The following IGSF21 variants were observed in gnomAD, a reference collection of about 807,000 sequenced individuals.
IGSF21 encodes immunoglobulin superfamily member 21.
In IGSF21, 28 loss-of-function variants were observed where a neutral mutation model predicts 46.8. The ratio of observed to expected loss-of-function variants is 0.60; its 90% CI spans 0.44 to 0.82. The LOEUF is 0.82. IGSF21 is among the 40% of genes least tolerant of loss of function. IGSF21 has a pLI of 0.00. For synonymous variants in IGSF21, 284 were observed against 273.6 expected (o/e 1.04, Z -0.38); for missense variants, 624 against 665.5 (o/e 0.94, Z 0.69).
intron 1 of IGSF21, among the ~76,000 whole-genome samples, chr1:18,117,213 A>G (rs539399157): frequency 1.3e-5 from 2 of 152,312 alleles, no homozygotes; most frequent in East Asian, 3.9e-4. Flanking sequence ...AAGAAATGCC[A>G]TCGTTTGGAG....
chr1:18,221,715 T>G (rs999310305), intron 1 of IGSF21, among the ~76,000 whole-genome samples: 7 of 152,172 alleles, frequency 4.6e-5, no homozygotes, highest in Non-Finnish European at 7.3e-5. Flanking sequence ...CTGATCCACT[T>G]CTCGATACCG....
intron 2 of IGSF21, among the ~76,000 whole-genome samples, chr1:18,246,095 C>A (rs2084780559): frequency 6.6e-6 from 1 of 152,202 alleles, no homozygotes; most frequent in African/African-American, 2.4e-5. Context: ...TGCTATTAAA[C>A]AGGAGTGAAA....
At chr1:18,178,380 C>T (rs2086824332) in intron 1 of IGSF21, among the ~76,000 whole-genome samples, 1 of 152,096 alleles carries the variant, frequency 6.6e-6, no homozygotes, top group Non-Finnish European at 1.5e-5. Context: ...TGTCTTTCTT[C>T]CTGAGTTGAA....
chr1:18,256,216 AC>A (rs1014278062), intron 2 of IGSF21, among the ~76,000 whole-genome samples: 1 of 151,384 alleles, frequency 6.6e-6, no homozygotes, highest in African/African-American at 2.4e-5. Flanking sequence ...GGTAATTCCT[AC>A]CCCCCTTTAG....
chr1:18,375,218 C>G (rs1255017817), intron 6 of IGSF21, among the ~76,000 whole-genome samples: 2 of 152,232 alleles, frequency 1.3e-5, no homozygotes, highest in African/African-American at 4.8e-5. Flanking sequence ...GAAGTGGGAG[C>G]TCCATGTCAG....
chr1:18,151,599 G>T (rs193055059), intron 1 of IGSF21, among the ~76,000 whole-genome samples: 2 of 152,108 alleles, frequency 1.3e-5, no homozygotes, highest in Non-Finnish European at 2.9e-5. Context: ...TATAACAGGC[G>T]GGGGAGAGGA....
At chr1:18,224,919 G>T (rs2084546262) in intron 1 of IGSF21, among the ~76,000 whole-genome samples, 1 of 151,882 alleles carries the variant, frequency 6.6e-6, no homozygotes. Context: ...ACAAAAATTA[G>T]CTGGGTATGG....
At chr1:18,344,984 A>T (rs2085878656) in intron 4 of IGSF21, among the ~76,000 whole-genome samples, 1 of 152,216 alleles carries the variant, frequency 6.6e-6, no homozygotes, top group Admixed American at 6.5e-5. Flanking sequence ...CCAGAGCTGC[A>T]GAGAATTCCC....
At chr1:18,152,768 G>T (rs151309343) in intron 1 of IGSF21, among the ~76,000 whole-genome samples, 1 of 152,158 alleles carries the variant, frequency 6.6e-6, no homozygotes, top group Non-Finnish European at 1.5e-5. Flanking sequence ...CAGCTCCCCA[G>T]TTCCTAGTGC....
intron 1 of IGSF21, chr1:18,178,948 G>A (rs1333758516): frequency 1.3e-5 from 2 of 152,170 alleles, no homozygotes; most frequent in East Asian, 1.9e-4. Flanking sequence ...AGAAGCCTCC[G>A]ACAGCTGAGA....
intron 4 of IGSF21, among the ~76,000 whole-genome samples, chr1:18,350,324 G>A (rs1557655540): frequency 6.6e-6 from 1 of 152,174 alleles, no homozygotes; most frequent in Non-Finnish European, 1.5e-5. Context: ...GAACAAAAGT[G>A]CATTCGAGGT....
chr1:18,367,603 C>CATT (rs2086179638), intron 6 of IGSF21, among the ~76,000 whole-genome samples: 1 of 73,952 alleles, frequency 1.4e-5, no homozygotes, highest in African/African-American at 4.9e-5. Context: ...CTCTCTCTCT[C>CATT]TTTTTTTTTT....
At chr1:18,255,427 A>G (rs941319667) in intron 2 of IGSF21, among the ~76,000 whole-genome samples, 1 of 152,132 alleles carries the variant, frequency 6.6e-6, no homozygotes, top group African/African-American at 2.4e-5. Context: ...AGACATGGAC[A>G]CATCCTCACA....
chr1:18,253,036 C>T (rs2084857579), intron 2 of IGSF21, among the ~76,000 whole-genome samples: 2 of 152,110 alleles, frequency 1.3e-5, no homozygotes, highest in African/African-American at 2.4e-5. Flanking sequence ...CCCTCACACC[C>T]AGCACCCTGG....
chr1:18,178,451 T>C (rs1039556239), intron 1 of IGSF21, among the ~76,000 whole-genome samples: 1 of 152,184 alleles, frequency 6.6e-6, no homozygotes, highest in African/African-American at 2.4e-5. Flanking sequence ...TCTAACTTCA[T>C]GTTGCCTCAG....
intron 9 of IGSF21, 28 bp from the exon 10 acceptor site, chr1:18,378,228 C>G (rs1218481421): frequency 1.8e-5 from 29 of 1,608,196 alleles, no homozygotes; most frequent in Non-Finnish European, 2.3e-5. Context: ...TCTGCAGGCT[C>G]TGACCCTTTC....
chr1:18,218,110 T>C (rs2084470853), intron 1 of IGSF21, among the ~76,000 whole-genome samples: 1 of 152,050 alleles, frequency 6.6e-6, no homozygotes, highest in Non-Finnish European at 1.5e-5. Flanking sequence ...AGAAAAGAGG[T>C]TTAATTGACT....
chr1:18,215,074 A>T (rs2124494501), intron 1 of IGSF21, among the ~76,000 whole-genome samples: 1 of 151,782 alleles, frequency 6.6e-6, no homozygotes, highest in Non-Finnish European at 1.5e-5. Context: ...ATCTCATGAG[A>T]TCTCACTCAC....
chr1:18,123,003 A>G (rs1386613562), intron 1 of IGSF21, among the ~76,000 whole-genome samples: 1 of 152,198 alleles, frequency 6.6e-6, no homozygotes, highest in Non-Finnish European at 1.5e-5. Context: ...ATACCATCTT[A>G]GCATCAGCCT....
Sources: gnomAD v4.1 joint callset for allele counts (sites outside exome capture counted in the v4.1 genomes callset) on GRCh38, gnomAD v4.1.1 for gene constraint, MANE v1.5 for transcripts, NCBI Gene and HGNC (gene_info 2026-07-23, HGNC 2026-07-21) for gene names.